TMEM220: variants seen among roughly 807,000 people sequenced by gnomAD.
TMEM220 encodes transmembrane protein 220.
In TMEM220, 21 loss-of-function variants were observed where a neutral mutation model predicts 21.7. The observed-to-expected ratio is 0.97, with a 90% CI of 0.69 to 1.39. The LOEUF (loss-of-function observed/expected upper bound fraction) is 1.39, where lower values mean the gene tolerates loss of function less well. TMEM220 is among the 40% of genes most tolerant of loss of function. The pLI, the probability that TMEM220 is intolerant of heterozygous loss-of-function variation, is 0.00. For synonymous variants in TMEM220, 80 were observed against 73.6 expected, an observed-to-expected ratio of 1.09 and a Z score of -0.45; for missense variants, 191 against 201.9, an observed-to-expected ratio of 0.95 and a Z score of 0.33.
chr17:10,729,731 G>A (rs2075100672), intron 1 of TMEM220, 49 bp downstream of exon 1: 1 of 1,309,668 alleles, frequency 7.6e-7, no homozygotes, highest in Non-Finnish European at 9.8e-7. Flanking sequence ...TAGGCCAGGG[G>A]GCGGAGCTGG....
At chr17:10,723,525 A>G (rs1213733473) in intron 4 of TMEM220, among the ~76,000 whole-genome samples, 196 bp from the exon 5 acceptor site, 2 of 152,242 alleles carry the variant, frequency 1.3e-5, no homozygotes, top group African/African-American at 4.8e-5. Flanking sequence ...TTAAAGCCTC[A>G]TATGAAAATA....
intron 3 of TMEM220, among the ~76,000 whole-genome samples, chr17:10,725,634 T>C (rs752520895): frequency 3.3e-5 from 5 of 152,214 alleles, no homozygotes; most frequent in Admixed American, 6.5e-5. Flanking sequence ...AGAGTGAAGT[T>C]AGCATGACAG....
chr17:10,724,890 C>G (rs434603), intron 4 of TMEM220, 121 bp downstream of exon 4: 606,122 of 1,357,844 alleles, frequency 0.45, 139,037 homozygotes, highest in African/African-American at 0.67. Context: ...TACCTTGCCT[C>G]CTCCACAGGG....
chr17:10,729,658 C>T (rs418557), intron 1 of TMEM220, 122 bp downstream of exon 1: 357,803 of 825,184 alleles, frequency 0.43, 79,639 homozygotes, highest in African/African-American at 0.64. Context: ...AAGCCCAAGT[C>T]CCGTCCTCCC....
chr17:10,720,279 T>C (rs1053872609), intron 5 of TMEM220, among the ~76,000 whole-genome samples: 9 of 152,350 alleles, frequency 5.9e-5, no homozygotes, highest in African/African-American at 2.2e-4. Context: ...TGCAGCACTA[T>C]TTTTAATAGC....
In TMEM220 at chr17:10,713,916, CG is replaced by C. The variant is rs2074876091; in HGVS notation, c.*1536del. 6.6e-6 allele frequency: 1 copy of C among 152,192 alleles called. No individual in the cohort carries two copies. The highest frequency in any genetic ancestry group is 2.1e-4 in the South Asian group (1 of 4,830). The allele number at this position is 152,192 out of a possible 1,614,324, so 9.4% of individuals were successfully genotyped here. On this transcript the variant is annotated 3_prime_UTR_variant, in exon 6 of 6. Transcript: ENST00000341871. ...CTCCTAACCTGTGGAAGGCACTACT[CG>C]TTCTTTTTGAGTGAAGTATTTCCCA...
intron 4 of TMEM220, chr17:10,724,627 G>C (rs1475587215): frequency 5.8e-6 from 1 of 170,986 alleles, no homozygotes; most frequent in Admixed American, 5.7e-5. Context: ...GCTCATACTT[G>C]TAGATAAGAT....
rs1167839209 is a variant in TMEM220, at chr17:10,715,535, A to T, written c.401T>A (p.Phe134Tyr). The T allele has an allele frequency of 5.0e-6, 8 of 1,604,920 alleles. No individual in the cohort carries two copies. In the African/African-American group the frequency reaches 1.1e-4, roughly 22 times the overall value. The change falls in exon 6 of 6, where the codon TTC (phenylalanine) becomes TAC (tyrosine). Residue 134 changes from phenylalanine (F) to tyrosine (Y), a missense_variant. Coordinates refer to ENST00000341871, the MANE Select transcript of TMEM220 (RefSeq NM_001004313.3). ...QLAIAIVITL[F>Y]PFISWVYIYI... ...TATGTAGACCCATGAGATAAATGGG[A>T]AAAGTGTGATTACAATGGCAATAGC...
intron 5 of TMEM220, among the ~76,000 whole-genome samples, chr17:10,722,127 G>A (rs956920403): frequency 6.6e-6 from 1 of 151,920 alleles, no homozygotes; most frequent in African/African-American, 2.4e-5. Flanking sequence ...CAAGTAGCTG[G>A]GATTACAGGT....
chr17:10,711,358 C>G, downstream of TMEM220: 1 of 534,728 alleles, frequency 1.9e-6, no homozygotes, highest in Admixed American at 3.2e-5. Context: ...GAAACTGAGG[C>G]AGGGGTGTAT....
At chr17:10,711,629 G>A (rs138478521), downstream of TMEM220, among the ~76,000 whole-genome samples, 10 of 152,224 alleles carry the variant, frequency 6.6e-5, no homozygotes, top group Non-Finnish European at 1.2e-4. Context: ...GTTATTTCAC[G>A]GGTAAGCGTG....
intron 5 of TMEM220, among the ~76,000 whole-genome samples, chr17:10,722,579 G>A (rs2075005216): frequency 6.6e-6 from 1 of 152,094 alleles, no homozygotes. Flanking sequence ...CACAATTAAA[G>A]GACCTTAGAA....
intron 4 of TMEM220, 40 bp downstream of exon 4, chr17:10,724,971 C>T: frequency 1.2e-6 from 2 of 1,613,194 alleles, no homozygotes; most frequent in Non-Finnish European, 8.5e-7. Context: ...AGTTCTATCC[C>T]ACAGTTCTAT....
chr17:10,714,220 A>G lies in TMEM220; in HGVS notation c.*1233T>C, dbSNP rs565283385. The G allele has an allele frequency of 6.6e-6, 1 of 152,314 alleles. No homozygotes were observed. The highest frequency in any genetic ancestry group is 1.9e-4 in the East Asian group (1 of 5,186). The allele number at this position is 152,314 out of a possible 1,614,324, so 9.4% of individuals were successfully genotyped here. On this transcript the variant is annotated 3_prime_UTR_variant, in exon 6 of 6. Transcript: ENST00000341871. ...AAAATCCAGTGTATTTTACATTTAT[A>G]GCCCCACTCATTTGGACACTAAATT...
intron 5 of TMEM220, chr17:10,716,613 T>C (rs1044321390): frequency 2.6e-5 from 11 of 425,544 alleles, no homozygotes; most frequent in Non-Finnish European, 4.6e-5. Context: ...AGACCTGTGA[T>C]CCCCTTGGAA....
downstream of TMEM220, among the ~76,000 whole-genome samples, chr17:10,713,040 G>A (rs2074865605): frequency 6.6e-6 from 1 of 152,176 alleles, no homozygotes. Flanking sequence ...GGAGGCCGAG[G>A]TGGGTGGATC....
intron 5 of TMEM220, among the ~76,000 whole-genome samples, chr17:10,717,073 A>G (rs1317736341): frequency 6.6e-6 from 1 of 152,180 alleles, no homozygotes; most frequent in African/African-American, 2.4e-5. Context: ...GTAATTTTTT[A>G]GATTCTTTTT....
At chr17:10,721,054 A>G (rs2074982436) in intron 5 of TMEM220, among the ~76,000 whole-genome samples, 1 of 152,242 alleles carries the variant, frequency 6.6e-6, no homozygotes. Context: ...TTATGTATGC[A>G]TATACATTTA....
chr17:10,716,680 T>C (rs150255589), intron 5 of TMEM220, among the ~76,000 whole-genome samples: 2 of 152,224 alleles, frequency 1.3e-5, no homozygotes, highest in African/African-American at 4.8e-5. Flanking sequence ...CAAATGGACA[T>C]TGAATTTATC....
Sources: gnomAD v4.1 joint callset for allele counts (sites outside exome capture counted in the v4.1 genomes callset) on GRCh38, gnomAD v4.1.1 for gene constraint, MANE v1.5 for transcripts, NCBI Gene and HGNC (gene_info 2026-07-23, HGNC 2026-07-21) for gene names.